The following TIAM1 variants were observed in gnomAD, a reference collection of about 807,000 sequenced individuals.
TIAM1 encodes TIAM Rac1 associated GEF 1.
A neutral mutation model predicts 163.5 loss-of-function variants in TIAM1; 65 were observed. That is an observed-to-expected ratio of 0.40 (90% CI 0.33 to 0.49). TIAM1 has a LOEUF of 0.49. Among genes scored for constraint, TIAM1 ranks in the 20% least tolerant of loss-of-function variants. The pLI is 0.77. For synonymous variants in TIAM1, 833 were observed against 810.1 expected (o/e 1.03, Z -0.48); for missense variants, 1,789 against 2,044.7 (o/e 0.87, Z 2.41).
intron 16 of TIAM1, chr21:31,160,432 C>G (rs2083857136): frequency 2.5e-6 from 1 of 398,592 alleles, no homozygotes. Flanking sequence ...ATTCAAACAG[C>G]AAAGGCGCTC....
At chr21:31,148,974 G>GTTTTTTTTTTTTT (rs2083262441) in intron 19 of TIAM1, among the ~76,000 whole-genome samples, 1 of 64,932 alleles carries the variant, frequency 1.5e-5, no homozygotes, top group African/African-American at 7.1e-5. Context: ...TTTTTTTTTG[G>GTTTTTTTTTTTTT]TCAAATATAC....
At chr21:31,240,428 A>G (rs1359858596) in intron 6 of TIAM1, among the ~76,000 whole-genome samples, 2 of 152,178 alleles carry the variant, frequency 1.3e-5, no homozygotes, top group South Asian at 2.1e-4. Flanking sequence ...CTCTATTTCC[A>G]TCTTTTTCTC....
rs184448651 is a variant in TIAM1, at chr21:31,295,269, G to A, written c.-188-18361C>T. ...GCGGATCATGAAGTCAGGAAATCGAGACCATCCCGGCTAACACGGTGAAAC... is the reference window on the plus strand; with the variant it reads ...GCGGATCATGAAGTCAGGAAATCGAAACCATCCCGGCTAACACGGTGAAAC... On this transcript the variant is annotated intron_variant, in intron 2 of 27. Coordinates refer to ENST00000541036, the MANE Select transcript of TIAM1 (RefSeq NM_001353694.2). Among the ~76,000 whole-genome samples, 605 of 152,216 alleles carry A rather than the reference G, an allele frequency of 4.0e-3. 2 individuals carry two copies. The highest frequency in any genetic ancestry group is 0.02 in the Middle Eastern group (6 of 294).
intron 2 of TIAM1, among the ~76,000 whole-genome samples, chr21:31,380,238 A>G (rs2076755234): frequency 6.6e-6 from 1 of 152,168 alleles, no homozygotes; most frequent in South Asian, 2.1e-4. Context: ...AGCCTGAGCG[A>G]AATAGTGAGA....
intron 2 of TIAM1, among the ~76,000 whole-genome samples, chr21:31,387,973 G>C (rs181448633): frequency 1.3e-5 from 2 of 152,138 alleles, no homozygotes; most frequent in African/African-American, 2.4e-5. Flanking sequence ...ATGAGATCTG[G>C]TTGTTTAAAA....
At chr21:31,337,517 T>C (rs555909377) in intron 2 of TIAM1, among the ~76,000 whole-genome samples, 14 of 132,180 alleles carry the variant, frequency 1.1e-4, no homozygotes, top group African/African-American at 4.4e-4. Flanking sequence ...TTATTATTGT[T>C]GTTATTATTA....
intron 1 of TIAM1, among the ~76,000 whole-genome samples, chr21:31,490,570 C>G (rs1365247634): frequency 6.6e-6 from 1 of 152,132 alleles, no homozygotes. Flanking sequence ...CCGCCGCTGC[C>G]CAGCCCCAGC....
intron 13 of TIAM1, among the ~76,000 whole-genome samples, chr21:31,192,610 T>TA (rs60192983): frequency 9.3e-4 from 135 of 145,292 alleles, no homozygotes; most frequent in Middle Eastern, 3.5e-3. Context: ...AACTGTGTCT[T>TA]AAAAAAAAAA....
chr21:31,542,402 G>A (rs1472767458), intron 1 of TIAM1, among the ~76,000 whole-genome samples: 2 of 151,948 alleles, frequency 1.3e-5, no homozygotes, highest in East Asian at 1.9e-4. Flanking sequence ...ACTCCAGCCT[G>A]GGGGATAGAG....
At chr21:31,228,916 G>C (rs967810003) in intron 6 of TIAM1, among the ~76,000 whole-genome samples, 1 of 152,050 alleles carries the variant, frequency 6.6e-6, no homozygotes, top group African/African-American at 2.4e-5. Flanking sequence ...ACAAAGCAGG[G>C]GGGAAAGCCC....
intron 1 of TIAM1, among the ~76,000 whole-genome samples, chr21:31,505,432 GAAA>G (rs370349576): frequency 6.7e-6 from 1 of 148,334 alleles, no homozygotes; most frequent in African/African-American, 2.5e-5. Flanking sequence ...GAGAGATCAA[GAAA>G]AAAAAAAGTA....
rs1569249224 is a variant in TIAM1, at chr21:31,344,228, C to G, written c.-459G>C. ...AGAAATGAGGAAGCAGCAGCCTTCC[C>G]CGGCTGCTGGCGGAGGCAGTGGGTG... is the stretch of plus-strand genomic sequence containing the variant. On this transcript the variant is annotated 5_prime_UTR_variant, in exon 1 of 28. Coordinates refer to ENST00000541036, the MANE Select transcript of TIAM1 (RefSeq NM_001353694.2). The G allele has an allele frequency of 1.3e-5, 2 of 152,344 alleles. No homozygotes were observed. Among genetic ancestry groups the G allele is most frequent in the Non-Finnish European group, 2.9e-5 (2 of 68,070 alleles). The allele number at this position is 152,344 out of a possible 1,614,324, so 9.4% of individuals were successfully genotyped here.
At chr21:31,224,571 A>C (rs2087823391) in intron 7 of TIAM1, among the ~76,000 whole-genome samples, 1 of 152,226 alleles carries the variant, frequency 6.6e-6, no homozygotes, top group Non-Finnish European at 1.5e-5. Context: ...AGAGAGGAGC[A>C]ACTGCTTCAC....
At chr21:31,367,726 G>A (rs931303576) in intron 2 of TIAM1, among the ~76,000 whole-genome samples, 3 of 152,086 alleles carry the variant, frequency 2.0e-5, no homozygotes, top group African/African-American at 7.2e-5. Context: ...GGGTAACTCT[G>A]TCCTTTATCA....
chr21:31,121,849 A>G (rs528679643), intron 27 of TIAM1, among the ~76,000 whole-genome samples: 26 of 152,322 alleles, frequency 1.7e-4, no homozygotes, highest in Admixed American at 5.2e-4. Flanking sequence ...GACTGCTCAC[A>G]GGGAAGGCTT....
At chr21:31,384,583 A>G (rs1440869651) in intron 2 of TIAM1, among the ~76,000 whole-genome samples, 3 of 152,086 alleles carry the variant, frequency 2.0e-5, no homozygotes, top group African/African-American at 7.2e-5. Context: ...TCTAAAAAAC[A>G]AAAGAAAGAA....
intron 27 of TIAM1, among the ~76,000 whole-genome samples, chr21:31,122,579 GA>G (rs1388517155): frequency 6.6e-6 from 1 of 152,160 alleles, no homozygotes; most frequent in African/African-American, 2.4e-5. Context: ...TGGTAGGTAT[GA>G]ATTCTTTCAG....
intron 2 of TIAM1, among the ~76,000 whole-genome samples, chr21:31,363,698 C>T (rs892320925): frequency 7.9e-5 from 12 of 152,188 alleles, no homozygotes; most frequent in Admixed American, 5.2e-4. Context: ...TTTCTCTCTT[C>T]TGTGAAACTG....
At chr21:31,532,217 G>C (rs547624188) in intron 1 of TIAM1, among the ~76,000 whole-genome samples, 1 of 152,286 alleles carries the variant, frequency 6.6e-6, no homozygotes, top group Non-Finnish European at 1.5e-5. Context: ...TGCTATCTCT[G>C]GCTGTGGAGT....
Sources: allele counts gnomAD v4.1 joint callset (sites outside exome capture counted in the v4.1 genomes callset), GRCh38; gene constraint gnomAD v4.1.1; transcripts MANE v1.5; gene names NCBI Gene and HGNC (gene_info 2026-07-23, HGNC 2026-07-21).